The following TRAIP variants were observed in gnomAD, a reference collection of about 807,000 sequenced individuals.
TRAIP encodes E3 ubiquitin-protein ligase TRAIP.
In TRAIP, 37 loss-of-function variants were observed where a neutral mutation model predicts 65.0. The ratio of observed to expected loss-of-function variants is 0.57; its 90% CI spans 0.44 to 0.75. TRAIP has a LOEUF of 0.75. Among genes scored for constraint, TRAIP ranks in the 30% least tolerant of loss-of-function variants. The pLI is 0.00. For synonymous variants in TRAIP, 187 were observed against 219.1 expected (o/e 0.85, Z 1.29); for missense variants, 481 against 579.4 (o/e 0.83, Z 1.74).
chr3:49,833,884 C>A (rs1559445990), intron 10 of TRAIP, among the ~76,000 whole-genome samples: 1 of 152,158 alleles, frequency 6.6e-6, no homozygotes, highest in Non-Finnish European at 1.5e-5. Flanking sequence ...GTTTGTCCTA[C>A]AAGGAGAAAG....
intron 4 of TRAIP, 53 bp from the exon 5 acceptor site, chr3:49,843,981 CAGA>C (rs1406405507): frequency 6.4e-7 from 1 of 1,560,078 alleles, no homozygotes; most frequent in Non-Finnish European, 8.7e-7. Flanking sequence ...CATCCATCAG[CAGA>C]AGAACTTGGG....
chr3:49,847,638 T>C (rs772002291), intron 2 of TRAIP, 30 bp from the exon 3 acceptor site: 4 of 1,531,798 alleles, frequency 2.6e-6, no homozygotes, highest in Middle Eastern at 1.7e-4. Context: ...AAGAGTATGA[T>C]TGTGTAGCTG....
At chr3:49,848,555 C>T (rs780222275) in intron 1 of TRAIP, among the ~76,000 whole-genome samples, 10 of 152,176 alleles carry the variant, frequency 6.6e-5, no homozygotes, top group Non-Finnish European at 1.2e-4. Flanking sequence ...CCAAAGACTA[C>T]ACTTTCAAGG....
chr3:49,853,615 G>A (rs1313616780), intron 1 of TRAIP, among the ~76,000 whole-genome samples: 9 of 152,142 alleles, frequency 5.9e-5, no homozygotes, highest in Admixed American at 5.9e-4. Context: ...GGAGGCCGAG[G>A]TGGGCGGATC....
intron 1 of TRAIP, among the ~76,000 whole-genome samples, chr3:49,853,529 T>G (rs561517857): frequency 5.9e-5 from 9 of 152,252 alleles, no homozygotes; most frequent in Admixed American, 5.2e-4. Context: ...GCTATACTAA[T>G]AGCAGATAAA....
At chr3:49,835,667 C>T (rs986974054) in intron 10 of TRAIP, among the ~76,000 whole-genome samples, 5 of 151,924 alleles carry the variant, frequency 3.3e-5, no homozygotes, top group African/African-American at 7.3e-5. Context: ...TGGCCGGGCA[C>T]GGTGGCGCAC....
chr3:49,843,964 G>C (rs771421834), intron 4 of TRAIP, 36 bp from the exon 5 acceptor site: 119 of 1,580,244 alleles, frequency 7.5e-5, no homozygotes, highest in Middle Eastern at 1.7e-4. Flanking sequence ...AAAGGGAAAG[G>C]CCTGTCCATC....
At chr3:49,840,535 A>G in intron 8 of TRAIP, 162 bp from the exon 9 acceptor site, 1 of 614,228 alleles carries the variant, frequency 1.6e-6, no homozygotes, top group Non-Finnish European at 2.9e-6. Context: ...GGCAATGCAC[A>G]TCCGGAGCTG....
chr3:49,835,130 C>T (rs1452018968), intron 10 of TRAIP, among the ~76,000 whole-genome samples: 3 of 152,186 alleles, frequency 2.0e-5, no homozygotes, highest in Non-Finnish European at 4.4e-5. Context: ...ATCCCTTGAA[C>T]CCAGGGGGTG....
intron 5 of TRAIP, chr3:49,843,143 CT>C: frequency 6.5e-6 from 1 of 154,684 alleles, no homozygotes; most frequent in Middle Eastern, 3.4e-3. Context: ...ATCCTGGGGC[CT>C]TGTCTGTTCA....
intron 1 of TRAIP, among the ~76,000 whole-genome samples, chr3:49,848,406 T>C (rs2081903551): frequency 6.6e-6 from 1 of 152,210 alleles, no homozygotes; most frequent in African/African-American, 2.4e-5. Flanking sequence ...GGCCCTTTTT[T>C]TGGCCCTGTT....
chr3:49,844,430 AG>A, intron 4 of TRAIP, 110 bp downstream of exon 4: 1 of 1,182,874 alleles, frequency 8.5e-7, no homozygotes, highest in Non-Finnish European at 1.2e-6. Context: ...CATACAAAGC[AG>A]GGAAAGGCCC....
chr3:49,843,924 C>A lies in TRAIP; in HGVS notation c.285G>T (p.Lys95Asn). The A allele has an allele frequency of 6.2e-7, 1 of 1,608,074 alleles. No homozygotes were observed. Among genetic ancestry groups the A allele is most frequent in the Non-Finnish European group, 8.5e-7 (1 of 1,174,990 alleles). The change falls in exon 5 of 15, where the codon AAG (lysine) becomes AAT (asparagine). Residue 95 changes from lysine (K) to asparagine (N), a missense_variant. By Grantham distance (94) the Lys-to-Asn change is moderately conservative. Transcript: ENST00000331456. ...NVRAQLSQKD[K>N]EKRDSQVIID... ...TGATGACCTGGCTGTCTCGTTTCTC[C>A]TTGTCTGGAGCAGGGGTAGAGGGCG... is the stretch of plus-strand genomic sequence containing the variant.
chr3:49,839,777 T>C lies in TRAIP; in HGVS notation c.879A>G (p.Leu293=), dbSNP rs754692653. The C allele has an allele frequency of 6.2e-7, 1 of 1,614,126 alleles. No homozygotes were observed. Among genetic ancestry groups the C allele is most frequent in the Non-Finnish European group, 8.5e-7 (1 of 1,179,968 alleles). ...CCGCCCAAGGCTCAACAAACCTCTC[T>C]AAAACCAGGCGGTCGACAGTCTCAC... ...VASETVDRLV[L]ESPAPVEVNL... Residue 293 remains leucine, a synonymous_variant, in exon 10 of 15, where the codon TTA becomes TTG. Transcript: ENST00000331456.
intron 7 of TRAIP, among the ~76,000 whole-genome samples, chr3:49,841,289 G>C (rs1400888640): frequency 1.3e-5 from 2 of 152,188 alleles, no homozygotes; most frequent in East Asian, 3.9e-4. Context: ...GCAGGCACTG[G>C]TGACTTGAGA....
chr3:49,848,037 G>T, intron 2 of TRAIP, 106 bp downstream of exon 2: 1 of 1,317,214 alleles, frequency 7.6e-7, no homozygotes, highest in Non-Finnish European at 1.1e-6. Flanking sequence ...AACCAGGAGG[G>T]TCCAAAAAAG....
At chr3:49,848,302 T>C in intron 1 of TRAIP, 102 bp from the exon 2 acceptor site, 3 of 1,268,158 alleles carry the variant, frequency 2.4e-6, no homozygotes, top group South Asian at 1.3e-5. Flanking sequence ...CTGCTCCTCC[T>C]TGACCCAATG....
intron 3 of TRAIP, among the ~76,000 whole-genome samples, chr3:49,845,671 C>T (rs1241231109): frequency 6.6e-6 from 1 of 152,220 alleles, no homozygotes; most frequent in Non-Finnish European, 1.5e-5. Flanking sequence ...TACCCATAGT[C>T]CCCTGACTTC....
At chr3:49,829,554 G>C in intron 13 of TRAIP, 46 bp from the exon 14 acceptor site, 1 of 1,614,052 alleles carries the variant, frequency 6.2e-7, no homozygotes, top group Non-Finnish European at 8.5e-7. Flanking sequence ...ATGGGCTGGG[G>C]GGCTGGCCAC....
Sources: gnomAD v4.1 joint callset for allele counts (sites outside exome capture counted in the v4.1 genomes callset) on GRCh38, gnomAD v4.1.1 for gene constraint, MANE v1.5 for transcripts, NCBI Gene and HGNC (gene_info 2026-07-23, HGNC 2026-07-21) for gene names.